The following AHCTF1 variants were observed in gnomAD, a reference collection of about 807,000 sequenced individuals.
The protein encoded by AHCTF1 is AT-hook containing transcription factor 1, also known as protein ELYS.
In AHCTF1, 24 loss-of-function variants were observed where a neutral mutation model predicts 248.4. The ratio of observed to expected loss-of-function variants is 0.10; its 90% CI spans 0.07 to 0.14. The LOEUF (loss-of-function observed/expected upper bound fraction) is 0.14, where lower values mean the gene tolerates loss of function less well. Among genes scored for constraint, AHCTF1 ranks in the 10% least tolerant of loss-of-function variants. The pLI is 1.00. For missense variants in AHCTF1, 2,206 were observed against 2,636.2 expected (o/e 0.84, Z 3.57); for synonymous variants, 786 against 929.8 (o/e 0.85, Z 2.81).
At position 246,849,967 on chromosome 1, in the gene AHCTF1, G is replaced by C. The variant is rs765108189; in HGVS notation, c.6039C>G (p.Thr2013=). ...CATCAACATTTTCACTTTTAGCTGG[G>C]GTATTTCTTGTAGATCTCCTTCTAA... is the stretch of plus-strand genomic sequence containing the variant. ...PSIRRRSTRN[T]PAKSENVDVG... is the part of the protein sequence containing the mutation. The change falls in exon 33 of 36, where the codon ACC becomes ACG. Residue 2013 remains threonine (T), a synonymous_variant. Transcript: ENST00000648844. The C allele has an allele frequency of 3.1e-6, 5 of 1,613,846 alleles. No individual in the cohort carries two copies. The highest frequency in any genetic ancestry group is 1.1e-5 in the South Asian group (1 of 91,048).
chr1:246,908,945 A>T (rs1416536707), intron 4 of AHCTF1, among the ~76,000 whole-genome samples: 2 of 151,522 alleles, frequency 1.3e-5, no homozygotes, highest in Non-Finnish European at 2.9e-5. Context: ...CAATTAGCTC[A>T]AAGTAAGGTT....
Position 246,913,271 on chromosome 1 carries a change from C to T in AHCTF1, c.517G>A (p.Asp173Asn). Residue 173 changes from aspartate to asparagine, a missense_variant, in exon 4 of 36, where the codon GAT (aspartate) becomes AAT (asparagine). Physicochemically the swap from Asp to Asn is conservative, Grantham distance 23. Coordinates refer to ENST00000648844, the MANE Select transcript of AHCTF1 (RefSeq NM_001323342.2). Reference sequence around the variant, plus strand: ...TCATTTTGATTGCATGACAAGTCATCCAAACATAGGTCAACAAGAAGGATC... The same window carrying T: ...TCATTTTGATTGCATGACAAGTCATTCAAACATAGGTCAACAAGAAGGATC... The part of the protein sequence containing the change: ...GQILLVDLCL[D>N]DLSCNQNEVE... 1 of 1,611,086 alleles carries T rather than the reference C, an allele frequency of 6.2e-7. No homozygotes were observed. Among genetic ancestry groups the T allele is most frequent in the South Asian group, 1.1e-5 (1 of 90,770 alleles).
intron 35 of AHCTF1, 97 bp from the exon 36 acceptor site, chr1:246,841,095 T>C: frequency 5.1e-6 from 5 of 977,848 alleles, no homozygotes; most frequent in Non-Finnish European, 7.4e-6. Flanking sequence ...AGGGACTGCT[T>C]AGTGCTTTCA....
chr1:246,869,001 T>TGC (rs1558231891), intron 24 of AHCTF1, among the ~76,000 whole-genome samples: 4 of 150,898 alleles, frequency 2.7e-5, no homozygotes, highest in Non-Finnish European at 5.9e-5. Flanking sequence ...CCCGCCACCA[T>TGC]GCCTGGCTAA....
chr1:246,863,775 TAGA>T (rs1661747561), intron 27 of AHCTF1, 146 bp downstream of exon 27: 2 of 763,802 alleles, frequency 2.6e-6, no homozygotes, highest in East Asian at 5.2e-5. Flanking sequence ...GCTCCGTTTT[TAGA>T]AGATGTGAAA....
chr1:246,877,966 G>A (rs961977776), intron 21 of AHCTF1, among the ~76,000 whole-genome samples: 3 of 151,024 alleles, frequency 2.0e-5, no homozygotes, highest in Admixed American at 6.6e-5. Context: ...ATACCCCACC[G>A]ACAGGATTAT....
rs180970667 is a variant in AHCTF1, at chr1:246,896,613, T to C, written c.1624-688A>G. ...CTGTTTATGGGCATAGAACTTTCTT[T>C]AGAAGTAATAAAAATGTCCTAAAAT... is the stretch of plus-strand genomic sequence containing the variant. On this transcript the variant is annotated intron_variant, in intron 12 of 35. Coordinates refer to ENST00000648844, the MANE Select transcript of AHCTF1 (RefSeq NM_001323342.2). Among the ~76,000 whole-genome samples, 5 of 152,268 alleles carry C rather than the reference T, an allele frequency of 3.3e-5. No homozygotes were observed. The East Asian group carries it at 9.6e-4, about 29-fold the overall frequency.
At chr1:246,927,829 CCT>C (rs1161936924) in intron 1 of AHCTF1, among the ~76,000 whole-genome samples, 8 of 151,942 alleles carry the variant, frequency 5.3e-5, no homozygotes, top group Non-Finnish European at 1.2e-4. Flanking sequence ...ATGGTGAAAC[CCT>C]GTCTCTACTA....
chr1:246,855,990 T>G (rs1398062465), intron 30 of AHCTF1, among the ~76,000 whole-genome samples, 163 bp from the exon 31 acceptor site: 1 of 152,214 alleles, frequency 6.6e-6, no homozygotes, highest in Non-Finnish European at 1.5e-5. Context: ...AATTTAAAAG[T>G]GAATTCAGAA....
At chr1:246,887,464 G>T in intron 19 of AHCTF1, 107 bp from the exon 20 acceptor site, 1 of 1,154,774 alleles carries the variant, frequency 8.7e-7, no homozygotes, top group Non-Finnish European at 1.2e-6. Context: ...GACTTGAAAT[G>T]CCTGTTTTTA....
In AHCTF1 at chr1:246,853,199, G is replaced by C; in HGVS notation, c.4455C>G (p.Asn1485Lys). The C allele has an allele frequency of 6.2e-7, 1 of 1,613,408 alleles. No homozygotes were observed. The highest frequency in any genetic ancestry group is 2.2e-5 in the East Asian group (1 of 44,862). Residue 1485 changes from asparagine (N) to lysine (K), a missense_variant, in exon 32 of 36, where the codon AAC becomes AAG. Physicochemically the swap from Asn to Lys is moderately conservative, Grantham distance 94 (BLOSUM62 0). Coordinates refer to ENST00000648844, the MANE Select transcript of AHCTF1 (RefSeq NM_001323342.2). The part of the protein sequence containing the change: ...ERRLNQEVAL[N>K]LKEDHEVEVG... ...CTTCTACTTCATGATCTTCTTTTAA[G>C]TTCAGCGCTACTTCCTGGTTAAGCC... is the stretch of plus-strand genomic sequence containing the variant.
chr1:246,891,312 G>C (rs754286535), intron 15 of AHCTF1, among the ~76,000 whole-genome samples: 4 of 152,002 alleles, frequency 2.6e-5, no homozygotes, highest in Non-Finnish European at 5.9e-5. Flanking sequence ...AGACATTTTA[G>C]GTAAATACAC....
intron 1 of AHCTF1, among the ~76,000 whole-genome samples, chr1:246,925,009 T>G (rs1295367321): frequency 3.9e-5 from 6 of 152,166 alleles, no homozygotes; most frequent in African/African-American, 1.4e-4. Context: ...AAAAAATTTT[T>G]AGAGAAACAG....
chr1:246,843,743 A>T lies in AHCTF1; in HGVS notation c.6525+52T>A, dbSNP rs1202231067. On this transcript the variant is annotated intron_variant, in intron 34 of 35. Coordinates refer to ENST00000648844, the MANE Select transcript of AHCTF1 (RefSeq NM_001323342.2). ...AATAATTTTATTAAAACATTTGTAA[A>T]AAAAAAAAGTATGTTTTAACAAACA... 59 of 1,146,598 alleles carry T rather than the reference A, an allele frequency of 5.1e-5. No individual in the cohort carries two copies. In the East Asian group the frequency reaches 1.3e-3, roughly 25 times the overall value. The allele number at this position is 1,146,598 out of a possible 1,614,324, so 71.0% of individuals were successfully genotyped here. A position where few individuals can be genotyped will look rare whatever the true frequency, so the allele number is the denominator to read the frequency against.
At position 246,857,774 on chromosome 1, in the gene AHCTF1, T is replaced by G. The variant is rs373884656; in HGVS notation, c.4173A>C (p.Ala1391=). The part of the protein sequence containing the change: ...EDAETKDLLV[A]AEAFSELNHL... ...GATTCAATTCTGAAAATGCCTCTGC[T>G]GCAACTAAGAGATCCTTTGTTTCTG... Residue 1391 remains alanine, a synonymous_variant, in exon 30 of 36, where the codon GCA becomes GCC. Transcript: ENST00000648844. 14 of 1,613,676 alleles carry G rather than the reference T, an allele frequency of 8.7e-6. No homozygotes were observed. The African/African-American group carries it at 1.6e-4, about 18-fold the overall frequency.
intron 21 of AHCTF1, among the ~76,000 whole-genome samples, chr1:246,882,013 T>G (rs1181504202): frequency 6.8e-6 from 1 of 146,814 alleles, no homozygotes; most frequent in African/African-American, 2.5e-5. Context: ...TGTTTTTTTT[T>G]TTGAGATGGA....
At position 246,868,338 on chromosome 1, in the gene AHCTF1, C is replaced by T. The variant is rs567023113; in HGVS notation, c.3089-527G>A. 2.7e-5 allele frequency among the ~76,000 whole-genome samples: 4 copies of T among 146,454 alleles called. No individual in the cohort carries two copies. In the South Asian group the frequency reaches 8.3e-4, roughly 30 times the overall value. On this transcript the variant is annotated intron_variant, in intron 24 of 35. Transcript: ENST00000648844. ...GTTTCACCATGTTGGCCAGGCTGGT[C>T]TTGAACTCCTGACCTCATGTGATCC...
intron 21 of AHCTF1, among the ~76,000 whole-genome samples, chr1:246,878,214 G>A (rs113530301): frequency 7.6e-4 from 115 of 151,668 alleles, no homozygotes; most frequent in African/African-American, 2.5e-3. Context: ...CCTGGGCAAC[G>A]TGGTGAGACC....
chr1:246,905,496 C>T, intron 6 of AHCTF1, 45 bp downstream of exon 6: 1 of 1,515,440 alleles, frequency 6.6e-7, no homozygotes, highest in Non-Finnish European at 9.1e-7. Context: ...GACTCTGTCT[C>T]CAAAAAAACA....
Sources: allele counts gnomAD v4.1 joint callset (sites outside exome capture counted in the v4.1 genomes callset), GRCh38; gene constraint gnomAD v4.1.1; transcripts MANE v1.5; gene names NCBI Gene and HGNC (gene_info 2026-07-23, HGNC 2026-07-21).